ARHGAP39: variants seen among roughly 807,000 people sequenced by gnomAD.
ARHGAP39 encodes Rho GTPase activating protein 39.
A neutral mutation model predicts 106.9 loss-of-function variants in ARHGAP39; 44 were observed. That is an observed-to-expected ratio of 0.41 (90% confidence interval 0.32 to 0.53). ARHGAP39 has a LOEUF of 0.53. Ranked by LOEUF, ARHGAP39 falls within the 20% of genes least tolerant of loss-of-function variation. ARHGAP39 has a pLI of 0.21. For missense variants in ARHGAP39, 1,496 were observed against 1,577.3 expected, an observed-to-expected ratio of 0.95 and a Z score of 0.87; for synonymous variants, 768 against 693.2, an observed-to-expected ratio of 1.11 and a Z score of -1.69.
the ARHGAP39 span, among the ~76,000 whole-genome samples, chr8:144,696,602 C>A: frequency 4.6e-5 from 7 of 152,096 alleles, no homozygotes; most frequent in Admixed American, 2.6e-4. Context: ...CATATGATGT[C>A]CTAAATTTTC....
intron 10 of ARHGAP39, 118 bp downstream of exon 10, chr8:144,532,187 G>T: frequency 1.2e-6 from 1 of 827,342 alleles, no homozygotes. Flanking sequence ...AGAAGTGACT[G>T]GGAAGCCATC....
chr8:144,530,205 T>TG lies in ARHGAP39; in HGVS notation c.*216dup, dbSNP rs1350448809. 2.4e-5 allele frequency: 13 copies of TG among 549,272 alleles called. No homozygotes were observed. Among genetic ancestry groups the TG allele is most frequent in the Non-Finnish European group, 4.1e-5 (13 of 314,292 alleles). The allele number at this position is 549,272 out of a possible 1,614,324, so 34.0% of individuals were successfully genotyped here. On this transcript the variant is annotated 3_prime_UTR_variant, in exon 12 of 12. Coordinates refer to ENST00000377307, the MANE Select transcript of ARHGAP39 (RefSeq NM_025251.3). ...GTGCCCGCGGGAACTGGCCGTGAGGTGGGGGGCCAGAGGCGCCCTCCCCGC... is the reference window on the plus strand; with the variant it reads ...GTGCCCGCGGGAACTGGCCGTGAGGTGGGGGGGCCAGAGGCGCCCTCCCCGC...
the ARHGAP39 span, chr8:144,698,515 C>G: frequency 5.7e-6 from 1 of 174,968 alleles, no homozygotes; most frequent in South Asian, 1.1e-4. Flanking sequence ...TTCAAATTAT[C>G]TGATCTCTAA....
intron 2 of ARHGAP39, among the ~76,000 whole-genome samples, chr8:144,597,387 G>A (rs1178205959): frequency 1.3e-5 from 2 of 152,184 alleles, no homozygotes; most frequent in African/African-American, 2.4e-5. Flanking sequence ...AGAAGAGCAC[G>A]TGGAGGGAGG....
intron 2 of ARHGAP39, among the ~76,000 whole-genome samples, chr8:144,582,159 C>G (rs557997798): frequency 6.6e-6 from 1 of 152,312 alleles, no homozygotes; most frequent in East Asian, 1.9e-4. Context: ...GTGGTGAGGG[C>G]AGAAGGGCCA....
chr8:144,568,298 C>T (rs1392539907), intron 3 of ARHGAP39, among the ~76,000 whole-genome samples: 2 of 133,336 alleles, frequency 1.5e-5, no homozygotes, highest in Non-Finnish European at 3.1e-5. Context: ...CACACCACTG[C>T]ACTCCAGCCT....
chr8:144,580,794 C>T, intron 3 of ARHGAP39, 52 bp downstream of exon 3: 1 of 1,426,200 alleles, frequency 7.0e-7, no homozygotes, highest in Non-Finnish European at 9.2e-7. Context: ...TCACCTGGCC[C>T]CGCCCACTCC....
At chr8:144,668,270 T>C (rs1383446776) in intron 1 of ARHGAP39, among the ~76,000 whole-genome samples, 1 of 152,028 alleles carries the variant, frequency 6.6e-6, no homozygotes, top group Non-Finnish European at 1.5e-5. Flanking sequence ...GGCAAAATCC[T>C]GTCTCTACAA....
chr8:144,667,332 T>G (rs1039318343), intron 1 of ARHGAP39, among the ~76,000 whole-genome samples: 1 of 152,188 alleles, frequency 6.6e-6, no homozygotes, highest in Admixed American at 6.5e-5. Context: ...ACAAGTGGTT[T>G]ACTTCCTTCA....
chr8:144,605,659 T>C lies in ARHGAP39; in HGVS notation c.-45A>G. 6.3e-7 allele frequency: 1 copy of C among 1,590,964 alleles called. No individual in the cohort carries two copies. Among genetic ancestry groups the C allele is most frequent in the East Asian group, 2.2e-5 (1 of 44,758 alleles). On this transcript the variant is annotated 5_prime_UTR_variant, in exon 2 of 12. The change abolishes an upstream ATG in the 5' untranslated region. Transcript: ENST00000377307. Reference sequence around the variant, plus strand: ...CACGTGGACAGACGTCAGGGCACCATACGCACAACGCCAGCATCAGACGGG... The same window carrying C: ...CACGTGGACAGACGTCAGGGCACCACACGCACAACGCCAGCATCAGACGGG...
At chr8:144,534,579 C>T (rs905375816) in intron 7 of ARHGAP39, among the ~76,000 whole-genome samples, 2 of 152,226 alleles carry the variant, frequency 1.3e-5, no homozygotes, top group African/African-American at 2.4e-5. Context: ...GCTTCAGGCC[C>T]CTCCCTGGCT....
At chr8:144,682,129 C>T (rs1277046867) in intron 1 of ARHGAP39, among the ~76,000 whole-genome samples, 2 of 142,112 alleles carry the variant, frequency 1.4e-5, no homozygotes, top group Non-Finnish European at 3.0e-5. Context: ...ATTAGCCGGG[C>T]GTGGTGGCGG....
rs570949626 is a variant in ARHGAP39, at chr8:144,536,954, C to T, written c.2614+767G>A. On this transcript the variant is annotated intron_variant, in intron 7 of 11. Coordinates refer to ENST00000377307, the MANE Select transcript of ARHGAP39 (RefSeq NM_025251.3). ...AGGAAGTGGAGCAGAGAGGTGGTGG[C>T]GGAGCTCTAGACAGATGAGTGGGCG... Among the ~76,000 whole-genome samples, 27 of 152,286 alleles carry T rather than the reference C, an allele frequency of 1.8e-4. 1 individual carries two copies. Among genetic ancestry groups the T allele is most frequent in the African/African-American group, 5.8e-4 (24 of 41,564 alleles).
chr8:144,548,496 G>T lies in ARHGAP39; in HGVS notation c.597-7C>A, dbSNP rs370789465. On this transcript the variant is annotated splice_region_variant and splice_polypyrimidine_tract_variant and intron_variant, in intron 4 of 11. Transcript: ENST00000377307. The surrounding 1 kb of genome is among the most constrained non-coding windows in gnomAD (Gnocchi z 7.4). ...CCACCGCAGCGAGGAGGTCCTGCGTGGGGGGTGGACGGGCACAGGTGACTG... is the reference window on the plus strand; with the variant it reads ...CCACCGCAGCGAGGAGGTCCTGCGTTGGGGGTGGACGGGCACAGGTGACTG... The T allele has an allele frequency of 6.9e-6, 11 of 1,605,246 alleles. No individual in the cohort carries two copies. Among genetic ancestry groups the T allele is most frequent in the African/African-American group, 2.7e-5 (2 of 74,844 alleles).
intron 5 of ARHGAP39, among the ~76,000 whole-genome samples, chr8:144,546,816 G>C (rs748519875): frequency 2.0e-5 from 3 of 152,212 alleles, no homozygotes; most frequent in Admixed American, 6.5e-5. Context: ...ACCCTCCCAG[G>C]CTGCTGAGGC....
At chr8:144,694,678 G>A in the ARHGAP39 span, among the ~76,000 whole-genome samples, 4 of 152,172 alleles carry the variant, frequency 2.6e-5, no homozygotes, top group Admixed American at 2.0e-4. Flanking sequence ...TGGTGTCAGC[G>A]CCATAGAGTA....
At chr8:144,538,969 T>C (rs1040132182) in intron 6 of ARHGAP39, among the ~76,000 whole-genome samples, 3 of 124,296 alleles carry the variant, frequency 2.4e-5, no homozygotes, top group Non-Finnish European at 3.8e-5. Context: ...CTCCTTCCGC[T>C]GGCCCCTGTG....
intron 3 of ARHGAP39, among the ~76,000 whole-genome samples, chr8:144,568,981 T>G (rs113704598): frequency 0.068 from 10,329 of 152,206 alleles, 1,142 homozygotes; most frequent in African/African-American, 0.23. Flanking sequence ...ATCATCACAC[T>G]GTGTTAATGG....
chr8:144,685,454 C>T (rs1235287213), intron 1 of ARHGAP39, among the ~76,000 whole-genome samples: 1 of 149,860 alleles, frequency 6.7e-6, no homozygotes, highest in South Asian at 2.1e-4. Flanking sequence ...GGCCTCGGCC[C>T]CTCGAGCCTC....
Sources: gnomAD v4.1 joint callset for allele counts (sites outside exome capture counted in the v4.1 genomes callset) on GRCh38, gnomAD v4.1.1 for gene constraint, Gnocchi (gnomAD v3.1) non-coding constraint, MANE v1.5 for transcripts, NCBI Gene and HGNC (gene_info 2026-07-23, HGNC 2026-07-21) for gene names.